The following GOLGA8S variants were observed in gnomAD, a reference collection of about 807,000 sequenced individuals.
The protein encoded by GOLGA8S is golgin subfamily A member 8S.
In GOLGA8S, 23 loss-of-function variants were observed where a neutral mutation model predicts 58.9. That is an observed-to-expected ratio of 0.39 (90% confidence interval 0.28 to 0.55). The LOEUF is 0.55. GOLGA8S is among the 20% of genes least tolerant of loss of function. The pLI, the probability that GOLGA8S is intolerant of heterozygous loss-of-function variation, is 0.63. For synonymous variants in GOLGA8S, 84 were observed against 195.7 expected (o/e 0.43, Z 4.76); for missense variants, 266 against 514.2 (o/e 0.52, Z 4.67).
chr15:23,368,190 A>C (rs1172559478), downstream of GOLGA8S, among the ~76,000 whole-genome samples: 1 of 151,946 alleles, frequency 6.6e-6, no homozygotes, highest in Non-Finnish European at 1.5e-5. Flanking sequence ...TGTTAGAATG[A>C]ATTTTACCAG....
chr15:23,365,670 G>A (rs1054342170), downstream of GOLGA8S: 1 of 179,480 alleles, frequency 5.6e-6, no homozygotes, highest in African/African-American at 2.4e-5. Flanking sequence ...CTGACATTTA[G>A]AGTTGTTTAA....
At position 23,361,144 on chromosome 15, in the gene GOLGA8S, C is replaced by G. The variant is rs1348605813; in HGVS notation, c.875-77C>G. 2.7e-5 allele frequency: 26 copies of G among 958,260 alleles called. 1 individual carries two copies. In the East Asian group the frequency reaches 5.0e-4, roughly 18 times the overall value. 59.4% of individuals were successfully genotyped at this position (958,260 alleles called of 1,614,324 possible). ...CGCCAAGAGGAGGGTTTTTTCTTTT[C>G]TTTTCTTTTCTTTTCTTTTCTTTTC... is the stretch of plus-strand genomic sequence containing the variant. On this transcript the variant is annotated intron_variant, in intron 11 of 18. Transcript: ENST00000562295.
At chr15:23,366,490 G>A (rs1465813868), downstream of GOLGA8S, 1 of 151,982 alleles carries the variant, frequency 6.6e-6, no homozygotes, top group Non-Finnish European at 1.5e-5. Context: ...AAATCAAGGA[G>A]AAGTTTATGA....
At chr15:23,362,117 T>A (rs1383217360) in intron 13 of GOLGA8S, among the ~76,000 whole-genome samples, 1 of 149,504 alleles carries the variant, frequency 6.7e-6, no homozygotes. Context: ...GCCAACACTT[T>A]GGGAGGCTGA....
At chr15:23,364,573 C>G (rs771135150) in exon 17 of GOLGA8S, 2 of 1,573,280 alleles carry the variant, frequency 1.3e-6, no homozygotes, top group East Asian at 2.2e-5. Context: ...GCCAAAGATG[C>G]GGCACTGGGA....
intron 13 of GOLGA8S, among the ~76,000 whole-genome samples, chr15:23,362,641 G>A (rs1244175662): frequency 7.1e-6 from 1 of 140,116 alleles, no homozygotes; most frequent in African/African-American, 2.7e-5. Flanking sequence ...GAAATGGTGG[G>A]AAGAGGACAT....
At position 23,364,475 on chromosome 15, in the gene GOLGA8S, G is replaced by C. The variant is rs754716184; in HGVS notation, c.1448+32G>C. 47 of 1,605,202 alleles carry C rather than the reference G, an allele frequency of 2.9e-5. No individual in the cohort carries two copies. The East Asian group carries it at 4.2e-4, about 14-fold the overall frequency. ...GGGAGGCCAGGGCACAGCAGGGGGA[G>C]CTACAGGGCCGTCGGAGGGGCCCCA... On this transcript the variant is annotated intron_variant, in intron 16 of 18. Transcript: ENST00000562295.
intron 10 of GOLGA8S, 69 bp from the exon 11 acceptor site, chr15:23,360,659 A>G (rs1487964185): frequency 1.6e-6 from 2 of 1,236,318 alleles, no homozygotes; most frequent in Admixed American, 1.7e-5. Flanking sequence ...GGGGGCAGAG[A>G]GGGAGAGGGC....
At chr15:23,364,015 T>C (rs2069858452) in intron 15 of GOLGA8S, among the ~76,000 whole-genome samples, 1 of 137,536 alleles carries the variant, frequency 7.3e-6, no homozygotes, top group African/African-American at 2.6e-5. Flanking sequence ...TGCTCACATC[T>C]TGCCCTCAGG....
exon 12 of GOLGA8S, chr15:23,361,413 G>A (rs774523596): frequency 1.1e-6 from 1 of 916,594 alleles, no homozygotes; most frequent in Non-Finnish European, 1.8e-6. Flanking sequence ...CAGGAGGAGA[G>A]GCTTCAGCAG....
chr15:23,360,910 G>C (rs2069778110), intron 11 of GOLGA8S, 95 bp downstream of exon 11: 3 of 835,004 alleles, frequency 3.6e-6, no homozygotes. Context: ...GGATGGAAGG[G>C]CTTTGAGGCA....
exon 19 of GOLGA8S, chr15:23,365,051 G>A (rs778788260): frequency 8.9e-6 from 14 of 1,580,784 alleles, no homozygotes; most frequent in Non-Finnish European, 1.2e-5. Context: ...GATCGTGCAG[G>A]ACCACCAGGA....
Position 23,365,086 on chromosome 15 carries a change from C to A in GOLGA8S, c.1830C>A (p.Cys610Ter). 1 of 1,582,656 alleles carries A rather than the reference C, an allele frequency of 6.3e-7. No homozygotes were observed. Among genetic ancestry groups the A allele is most frequent in the East Asian group, 2.2e-5 (1 of 44,860 alleles). Residue 610 changes from cysteine to a stop codon, truncating the protein, a stop_gained, in exon 19 of 19, where the codon TGC (cysteine) becomes TGA (stop). Transcript: ENST00000562295. LOFTEE classifies it high-confidence loss of function. ...AGCACCCAGGCTTGGGCAACAACTG[C>A]TGTGTGCCATTCTTTTGCTGGGCTT...
intron 16 of GOLGA8S, 33 bp from the exon 17 acceptor site, chr15:23,364,493 G>A (rs1330043986): frequency 1.2e-6 from 2 of 1,605,254 alleles, no homozygotes; most frequent in Admixed American, 1.7e-5. Context: ...GCCGTCGGAG[G>A]GGCCCCAGCG....
Position 23,364,450 on chromosome 15 carries a change from G to C in GOLGA8S, c.1448+7G>C. ...GGCAAGAGAGATGCCATCAGTGAGT[G>C]GGAGGCCAGGGCACAGCAGGGGGAG... is the stretch of plus-strand genomic sequence containing the variant. On this transcript the variant is annotated splice_region_variant and intron_variant, in intron 16 of 18. Coordinates refer to ENST00000562295, the Ensembl canonical transcript of GOLGA8S. The C allele has an allele frequency of 6.2e-7, 1 of 1,604,794 alleles. No individual in the cohort carries two copies. The highest frequency in any genetic ancestry group is 8.5e-7 in the Non-Finnish European group (1 of 1,178,940).
At chr15:23,364,539 C>G in exon 17 of GOLGA8S, 1 of 1,600,166 alleles carries the variant, frequency 6.2e-7, no homozygotes, top group Non-Finnish European at 8.5e-7. Context: ...AATCCATCAC[C>G]TTTTATCAGA....
At chr15:23,367,848 G>A (rs2069946355), downstream of GOLGA8S, among the ~76,000 whole-genome samples, 3 of 151,700 alleles carry the variant, frequency 2.0e-5, 1 homozygote, top group Admixed American at 2.0e-4. Context: ...CCTATTTAAA[G>A]ATGGCAATAT....
chr15:23,358,888 CT>C, intron 6 of GOLGA8S, 31 bp from the exon 7 acceptor site: 1 of 632,926 alleles, frequency 1.6e-6, no homozygotes, highest in South Asian at 1.9e-5. Context: ...CTTTCCTTCT[CT>C]TTCAGCACTT....
At chr15:23,360,648 T>C in intron 10 of GOLGA8S, 80 bp from the exon 11 acceptor site, 6 of 1,252,608 alleles carry the variant, frequency 4.8e-6, no homozygotes, top group Non-Finnish European at 7.0e-6. Flanking sequence ...TTTGTGGAGG[T>C]GGGGGCAGAG....
Sources: gnomAD v4.1 joint callset for allele counts (sites outside exome capture counted in the v4.1 genomes callset) on GRCh38, gnomAD v4.1.1 for gene constraint, MANE v1.5 for transcripts, NCBI Gene and HGNC (gene_info 2026-07-23, HGNC 2026-07-21) for gene names.